The following ARL6 variants were observed in gnomAD, a reference collection of about 807,000 sequenced individuals.
The protein encoded by ARL6 is ARF like GTPase 6.
Under a neutral mutation model 27.1 loss-of-function variants are expected in ARL6, and 18 were observed. The ratio of observed to expected loss-of-function variants is 0.66; its 90% CI spans 0.46 to 0.98. The LOEUF (loss-of-function observed/expected upper bound fraction) is 0.98, where lower values mean the gene tolerates loss of function less well. ARL6 is among the 50% of genes least tolerant of loss of function. The pLI, the probability that ARL6 is intolerant of heterozygous loss-of-function variation, is 0.00. For synonymous variants in ARL6, 65 were observed against 72.3 expected, an observed-to-expected ratio of 0.90 and a Z score of 0.51; for missense variants, 187 against 214.9, an observed-to-expected ratio of 0.87 and a Z score of 0.81.
At chr3:97,773,656 T>C (rs1011609941) in intron 2 of ARL6, among the ~76,000 whole-genome samples, 2 of 152,214 alleles carry the variant, frequency 1.3e-5, no homozygotes, top group African/African-American at 2.4e-5. Context: ...ATGAAGTTAA[T>C]AAATCTTATG....
chr3:97,795,969 G>A (rs1220334116), intron 7 of ARL6, among the ~76,000 whole-genome samples: 1 of 152,128 alleles, frequency 6.6e-6, no homozygotes, highest in Non-Finnish European at 1.5e-5. Context: ...AGTCATCTTT[G>A]GGGAATCAGA....
At position 97,787,967 on chromosome 3, in the gene ARL6, G is replaced by T. The variant is rs144210599; in HGVS notation, c.350-23G>T. 9.3e-4 allele frequency: 1,505 copies of T among 1,612,352 alleles called. 4 individuals are homozygous for T. Among genetic ancestry groups the T allele is most frequent in the Non-Finnish European group, 1.2e-3 (1,387 of 1,178,940 alleles). On this transcript the variant is annotated intron_variant, in intron 5 of 7. Transcript: ENST00000463745. Reference sequence around the variant, plus strand: ...TGACCTAAAAAGCTGGAAGTGTGATGATAATCTTATTTTCTCTTTTAGATA... The same window carrying T: ...TGACCTAAAAAGCTGGAAGTGTGATTATAATCTTATTTTCTCTTTTAGATA...
chr3:97,791,027 ATTATT>A (rs922263398), intron 6 of ARL6, among the ~76,000 whole-genome samples: 5 of 152,132 alleles, frequency 3.3e-5, no homozygotes, highest in African/African-American at 1.2e-4. Flanking sequence ...TCTGCATTTT[ATTATT>A]TTAATTTATA....
rs1345425132 is a variant in ARL6, at chr3:97,764,901, C to G, written c.-104C>G. 1.3e-5 allele frequency: 2 copies of G among 152,252 alleles called. No individual in the cohort carries two copies. Among genetic ancestry groups the G allele is most frequent in the Non-Finnish European group, 2.9e-5 (2 of 68,074 alleles). The allele number at this position is 152,252 out of a possible 1,614,324, so 9.4% of individuals were successfully genotyped here. ...GCTGAGGGACCCTCGCACCAGATTT[C>G]CATCCCGGAGACCGATACGAGTGCG... On this transcript the variant is annotated 5_prime_UTR_variant, in exon 1 of 8. Transcript: ENST00000463745.
intron 2 of ARL6, 59 bp downstream of exon 2, chr3:97,768,289 A>T (rs2036480026): frequency 6.4e-7 from 1 of 1,568,906 alleles, no homozygotes; most frequent in East Asian, 2.3e-5. Context: ...ATTAATGTGC[A>T]GAATTATGTT....
chr3:97,774,431 T>C (rs149812224), intron 2 of ARL6, among the ~76,000 whole-genome samples: 5,845 of 152,092 alleles, frequency 0.038, 205 homozygotes, highest in African/African-American at 0.095. Context: ...GGGGAGGCCA[T>C]CACTGTTGTC....
At chr3:97,794,219 T>TGTGTG (rs1400201926) in intron 7 of ARL6, among the ~76,000 whole-genome samples, 22 of 75,106 alleles carry the variant, frequency 2.9e-4, no homozygotes, top group African/African-American at 9.5e-4. Context: ...GTGTGTGTGT[T>TGTGTG]TTTGAGATGG....
intron 2 of ARL6, among the ~76,000 whole-genome samples, chr3:97,773,320 A>G (rs1312560250): frequency 1.3e-5 from 2 of 152,154 alleles, no homozygotes; most frequent in African/African-American, 2.4e-5. Context: ...AGCTGATTAG[A>G]TGGTACTCAG....
At chr3:97,765,270 A>G (rs942390137) in intron 1 of ARL6, among the ~76,000 whole-genome samples, 2 of 151,184 alleles carry the variant, frequency 1.3e-5, no homozygotes, top group African/African-American at 4.9e-5. Flanking sequence ...TTTAAATTAT[A>G]TCATAAAAAA....
chr3:97,771,071 A>T (rs1208822759), intron 2 of ARL6, among the ~76,000 whole-genome samples: 1 of 151,928 alleles, frequency 6.6e-6, no homozygotes, highest in Non-Finnish European at 1.5e-5. Context: ...TGGTATTTTG[A>T]TAGGGATTGC....
chr3:97,785,487 CAT>C (rs5851081), intron 5 of ARL6, among the ~76,000 whole-genome samples: 123,652 of 145,884 alleles, frequency 0.85, 52,658 homozygotes, highest in African/African-American at 0.95. Context: ...CATATTTATT[CAT>C]ATATATATAT....
Position 97,780,674 on chromosome 3 carries a change from A to C in ARL6, c.245A>C (p.His82Pro). 1 of 1,610,390 alleles carries C rather than the reference A, an allele frequency of 6.2e-7. No homozygotes were observed. Among genetic ancestry groups the C allele is most frequent in the South Asian group, 1.1e-5 (1 of 90,960 alleles). ...GQGRYRNLWE[H>P]YYKEGQAIIF... is the part of the protein sequence containing the mutation. ...GGAAGATACAGAAATCTCTGGGAACACTATTATAAGTAAGTACATCTGTGA... is the reference window on the plus strand; with the variant it reads ...GGAAGATACAGAAATCTCTGGGAACCCTATTATAAGTAAGTACATCTGTGA... Residue 82 changes from histidine to proline, a missense_variant, in exon 4 of 8, where the codon CAC (histidine) becomes CCC (proline). Physicochemically the swap from His to Pro is moderately conservative, Grantham distance 77. Coordinates refer to ENST00000463745, the MANE Select transcript of ARL6 (RefSeq NM_001278293.3).
chr3:97,769,949 G>A (rs2036561728), intron 2 of ARL6, among the ~76,000 whole-genome samples: 1 of 152,110 alleles, frequency 6.6e-6, no homozygotes, highest in Non-Finnish European at 1.5e-5. Context: ...ATGGACAAAA[G>A]TGTATTCCAT....
At position 97,773,575 on chromosome 3, in the gene ARL6, G is replaced by A. The variant is rs186842375; in HGVS notation, c.123+5345G>A. On this transcript the variant is annotated intron_variant, in intron 2 of 7. Coordinates refer to ENST00000463745, the MANE Select transcript of ARL6 (RefSeq NM_001278293.3). The stretch of plus-strand genomic sequence containing the variant: ...GCCTAACATAATACAACTATCCTTC[G>A]TACAACCGGAAATATACCAATCCCC... Among the ~76,000 whole-genome samples, 36 of 152,134 alleles carry A rather than the reference G, an allele frequency of 2.4e-4. 2 individuals carry two copies. The highest frequency in any genetic ancestry group is 6.3e-4 in the African/African-American group (26 of 41,484).
At chr3:97,776,121 T>A (rs571324635) in intron 2 of ARL6, among the ~76,000 whole-genome samples, 1 of 152,262 alleles carries the variant, frequency 6.6e-6, no homozygotes, top group Admixed American at 6.5e-5. Flanking sequence ...TGTTCCCATG[T>A]TGAAGGCACA....
At chr3:97,781,552 C>G (rs145436354) in intron 4 of ARL6, among the ~76,000 whole-genome samples, 293 of 152,090 alleles carry the variant, frequency 1.9e-3, no homozygotes, top group Middle Eastern at 6.8e-3. Flanking sequence ...ATGTTATAAG[C>G]AAATACTAAG....
intron 2 of ARL6, among the ~76,000 whole-genome samples, chr3:97,778,162 G>A (rs186300608): frequency 3.3e-5 from 5 of 152,164 alleles, no homozygotes. Flanking sequence ...AATGAAGTTG[G>A]GGGAACATTA....
At chr3:97,795,361 G>T (rs1199730427) in intron 7 of ARL6, among the ~76,000 whole-genome samples, 2 of 152,062 alleles carry the variant, frequency 1.3e-5, no homozygotes, top group Non-Finnish European at 2.9e-5. Flanking sequence ...TCATTTTATT[G>T]CTTTGTCTGC....
Position 97,773,986 on chromosome 3 carries a change from G to T in ARL6, c.123+5756G>T, listed in dbSNP as rs2036763177. Among the ~76,000 whole-genome samples, 3 of 152,192 alleles carry T rather than the reference G, an allele frequency of 2.0e-5. No homozygotes were observed. The South Asian group carries it at 6.2e-4, about 31-fold the overall frequency. The stretch of plus-strand genomic sequence containing the variant: ...TGTAGTCCTGCCAGATTGGGCTGTT[G>T]TAGTTTCCCATTGACCTTAATCACA... On this transcript the variant is annotated intron_variant, in intron 2 of 7. Coordinates refer to ENST00000463745, the MANE Select transcript of ARL6 (RefSeq NM_001278293.3).
Sources: allele counts gnomAD v4.1 joint callset (sites outside exome capture counted in the v4.1 genomes callset), GRCh38; gene constraint gnomAD v4.1.1; transcripts MANE v1.5; gene names NCBI Gene and HGNC (gene_info 2026-07-23, HGNC 2026-07-21).